Variants in STXBP5L observed in about 807,000 individuals in gnomAD.
STXBP5L encodes syntaxin binding protein 5L.
A neutral mutation model predicts 144.5 loss-of-function variants in STXBP5L; 65 were observed. That is an observed-to-expected ratio of 0.45 (90% CI 0.37 to 0.55). STXBP5L has a LOEUF of 0.55. STXBP5L is among the 20% of genes least tolerant of loss of function. STXBP5L has a pLI of 0.00. For synonymous variants in STXBP5L, 505 were observed against 469.6 expected (o/e 1.08, Z -0.97); for missense variants, 1,298 against 1,405.5 (o/e 0.92, Z 1.22).
At chr3:120,941,304 A>G (rs1710555060) in intron 2 of STXBP5L, among the ~76,000 whole-genome samples, 1 of 151,820 alleles carries the variant, frequency 6.6e-6, no homozygotes. Flanking sequence ...AATCTGTAAT[A>G]ATCACTAGAT....
intron 3 of STXBP5L, among the ~76,000 whole-genome samples, chr3:121,021,642 T>G (rs1210541195): frequency 6.6e-6 from 1 of 152,090 alleles, no homozygotes; most frequent in Non-Finnish European, 1.5e-5. Context: ...TAATGGAAAT[T>G]AAATAACCTA....
intron 18 of STXBP5L, among the ~76,000 whole-genome samples, chr3:121,275,891 T>A (rs1396244619): frequency 2.6e-5 from 4 of 152,068 alleles, no homozygotes; most frequent in African/African-American, 9.7e-5. Context: ...ATCATTTCGC[T>A]TTATATTTAA....
chr3:121,171,170 T>C (rs2046699576), intron 9 of STXBP5L, among the ~76,000 whole-genome samples: 1 of 152,208 alleles, frequency 6.6e-6, no homozygotes, highest in African/African-American at 2.4e-5. Context: ...CCCTTCATGC[T>C]AAAAACTCTC....
intron 7 of STXBP5L, among the ~76,000 whole-genome samples, chr3:121,152,048 C>G (rs1374763508): frequency 1.3e-5 from 2 of 151,840 alleles, no homozygotes; most frequent in Non-Finnish European, 2.9e-5. Flanking sequence ...TGAATTCGGT[C>G]AAAGAGAAAA....
chr3:121,279,986 C>T, intron 19 of STXBP5L, 30 bp downstream of exon 19: 1 of 1,605,056 alleles, frequency 6.2e-7, no homozygotes, highest in Non-Finnish European at 8.5e-7. Context: ...GAGTTATGAA[C>T]TTGATTTGGT....
At chr3:121,004,570 A>G (rs1944099810) in intron 3 of STXBP5L, among the ~76,000 whole-genome samples, 1 of 152,056 alleles carries the variant, frequency 6.6e-6, no homozygotes, top group Admixed American at 6.6e-5. Context: ...TGCCCTGGCC[A>G]GAACTTCCAA....
chr3:121,194,746 A>G (rs1246304598), intron 9 of STXBP5L, among the ~76,000 whole-genome samples: 1 of 151,870 alleles, frequency 6.6e-6, no homozygotes, highest in Non-Finnish European at 1.5e-5. Flanking sequence ...TCATTTCATT[A>G]CTTGTTTTGT....
intron 7 of STXBP5L, among the ~76,000 whole-genome samples, chr3:121,129,531 C>T (rs2044874453): frequency 6.6e-6 from 1 of 151,838 alleles, no homozygotes; most frequent in Admixed American, 6.6e-5. Context: ...TATAGATCAA[C>T]ACAACCTATG....
intron 20 of STXBP5L, among the ~76,000 whole-genome samples, chr3:121,348,415 T>G (rs2045103960): frequency 6.6e-6 from 1 of 152,120 alleles, no homozygotes; most frequent in Middle Eastern, 3.2e-3. Context: ...GGTCTAAAAT[T>G]CTCTTTTTTT....
At position 121,329,753 on chromosome 3, in the gene STXBP5L, G is replaced by A. The variant is rs769681765; in HGVS notation, c.2176+11213G>A. On this transcript the variant is annotated intron_variant, in intron 20 of 26. Transcript: ENST00000471454. ...GCAGGCGCCTATAATCCACCTACACGGGAGGCTGAGGCAGGAGAATTGCTT... is the reference window on the plus strand; with the variant it reads ...GCAGGCGCCTATAATCCACCTACACAGGAGGCTGAGGCAGGAGAATTGCTT... Among the ~76,000 whole-genome samples, 3 of 151,998 alleles carry A rather than the reference G, an allele frequency of 2.0e-5. No individual in the cohort carries two copies. The South Asian group carries it at 6.2e-4, about 32-fold the overall frequency.
intron 14 of STXBP5L, among the ~76,000 whole-genome samples, chr3:121,242,514 G>A (rs1404360200): frequency 1.3e-5 from 2 of 152,024 alleles, no homozygotes; most frequent in Non-Finnish European, 2.9e-5. Flanking sequence ...ATTATGCAGA[G>A]GTACACTTAA....
intron 10 of STXBP5L, among the ~76,000 whole-genome samples, chr3:121,221,643 C>G (rs1355757921): frequency 6.6e-6 from 1 of 151,290 alleles, no homozygotes; most frequent in Non-Finnish European, 1.5e-5. Flanking sequence ...TATAAATATA[C>G]ATTTTATAGA....
At chr3:121,309,807 T>C (rs1204393242) in intron 19 of STXBP5L, among the ~76,000 whole-genome samples, 1 of 152,190 alleles carries the variant, frequency 6.6e-6, no homozygotes, top group Non-Finnish European at 1.5e-5. Context: ...AACATATTAT[T>C]TGTAGAACTT....
At chr3:121,318,434 G>T (rs367735659) in intron 19 of STXBP5L, 41 bp from the exon 20 acceptor site, 162 of 1,483,602 alleles carry the variant, frequency 1.1e-4, no homozygotes, top group Non-Finnish European at 1.4e-4. Flanking sequence ...CCTACAAAAT[G>T]CTAGCAAAAT....
chr3:121,416,432 C>A (rs2047235085), intron 25 of STXBP5L, among the ~76,000 whole-genome samples: 2 of 148,314 alleles, frequency 1.3e-5, no homozygotes, highest in Non-Finnish European at 3.0e-5. Context: ...TAAACAAAAT[C>A]AAAAAGTATT....
chr3:120,985,283 G>T (rs1942185971), intron 3 of STXBP5L, among the ~76,000 whole-genome samples: 1 of 152,128 alleles, frequency 6.6e-6, no homozygotes, highest in South Asian at 2.1e-4. Context: ...GCGAAGCCAT[G>T]GGGGCTTTTC....
At chr3:120,978,777 C>G (rs1405620936) in intron 3 of STXBP5L, among the ~76,000 whole-genome samples, 2 of 152,208 alleles carry the variant, frequency 1.3e-5, no homozygotes, top group East Asian at 3.9e-4. Context: ...GGACCCTCAG[C>G]TGCAGGTCTG....
At chr3:121,162,927 G>A (rs1012965436) in intron 9 of STXBP5L, among the ~76,000 whole-genome samples, 1 of 152,318 alleles carries the variant, frequency 6.6e-6, no homozygotes, top group African/African-American at 2.4e-5. Flanking sequence ...AACAACAGAT[G>A]CTGGAGAGGA....
intron 19 of STXBP5L, among the ~76,000 whole-genome samples, chr3:121,284,392 C>T (rs2051162902): frequency 6.6e-6 from 1 of 152,024 alleles, no homozygotes; most frequent in South Asian, 2.1e-4. Context: ...CCCTGTTGTG[C>T]CAATTCCTTT....
Sources: allele counts gnomAD v4.1 joint callset (sites outside exome capture counted in the v4.1 genomes callset), GRCh38; gene constraint gnomAD v4.1.1; transcripts MANE v1.5; gene names NCBI Gene and HGNC (gene_info 2026-07-23, HGNC 2026-07-21).